CLASP1: variants seen among roughly 807,000 people sequenced by gnomAD.
CLASP1 encodes the protein cytoplasmic linker associated protein 1, also known as CLIP-associating protein 1.
Under a neutral mutation model 192.3 loss-of-function variants are expected in CLASP1, and 38 were observed. The ratio of observed to expected loss-of-function variants is 0.20; its 90% CI spans 0.15 to 0.26. The LOEUF is 0.26. Ranked by LOEUF, CLASP1 falls within the 10% of genes least tolerant of loss-of-function variation. The pLI is 1.00. For missense variants in CLASP1, 1,433 were observed against 1,932.5 expected, an observed-to-expected ratio of 0.74 and a Z score of 4.85; for synonymous variants, 691 against 712.8, an observed-to-expected ratio of 0.97 and a Z score of 0.49.
intron 26 of CLASP1, chr2:121,403,520 C>A: frequency 4.4e-6 from 2 of 456,628 alleles, no homozygotes; most frequent in Non-Finnish European, 4.4e-6. Context: ...CCCATCTTTA[C>A]TAGGAAAACT....
chr2:121,575,276 A>AT (rs534699184), intron 2 of CLASP1, among the ~76,000 whole-genome samples: 8 of 148,510 alleles, frequency 5.4e-5, no homozygotes, highest in East Asian at 2.0e-4. Flanking sequence ...TGCCCGGCTA[A>AT]TTTTTTTTTT....
chr2:121,518,930 T>A (rs2094393554), intron 6 of CLASP1, among the ~76,000 whole-genome samples: 2 of 152,204 alleles, frequency 1.3e-5, no homozygotes, highest in African/African-American at 4.8e-5. Context: ...TCAATGCTAC[T>A]ATACCTTGAA....
chr2:121,531,156 C>G lies in CLASP1; in HGVS notation c.196-831G>C, dbSNP rs117395952. On this transcript the variant is annotated intron_variant, in intron 2 of 39. Coordinates refer to ENST00000263710, the Ensembl canonical transcript of CLASP1. ...TCTTTCAGTTTTTGCGGTGATTAAACGGGAAGGATTTCAACAGAACTTCAC... is the reference window on the plus strand; with the variant it reads ...TCTTTCAGTTTTTGCGGTGATTAAAGGGGAAGGATTTCAACAGAACTTCAC... 1.3e-3 allele frequency: 823 copies of G among 611,756 alleles called. 8 individuals are homozygous for G. The East Asian group carries it at 0.021, about 15-fold the overall frequency. 37.9% of individuals were successfully genotyped at this position (611,756 alleles called of 1,614,324 possible).
chr2:121,612,973 A>G (rs2065861845), intron 1 of CLASP1, among the ~76,000 whole-genome samples: 2 of 152,222 alleles, frequency 1.3e-5, no homozygotes, highest in Non-Finnish European at 2.9e-5. Flanking sequence ...AAAAAGTTCA[A>G]TTTTCATAAT....
intron 9 of CLASP1, among the ~76,000 whole-genome samples, chr2:121,463,051 A>G (rs1377825427): frequency 6.6e-6 from 1 of 152,218 alleles, no homozygotes; most frequent in Non-Finnish European, 1.5e-5. Context: ...ATTTAACTTT[A>G]TATTAGTTTG....
chr2:121,366,959 T>A (rs988013888), intron 35 of CLASP1, among the ~76,000 whole-genome samples: 1 of 152,236 alleles, frequency 6.6e-6, no homozygotes, highest in African/African-American at 2.4e-5. Context: ...CTACTTCCTA[T>A]GTTATATGCT....
intron 2 of CLASP1, among the ~76,000 whole-genome samples, chr2:121,541,620 A>C (rs533401630): frequency 3.9e-4 from 60 of 152,186 alleles, no homozygotes; most frequent in African/African-American, 1.4e-3. Flanking sequence ...ATAACTTCAA[A>C]CGTCAGCCTC....
intron 1 of CLASP1, among the ~76,000 whole-genome samples, chr2:121,609,664 C>T (rs6541788): frequency 0.19 from 29,150 of 152,132 alleles, 5,033 homozygotes; most frequent in African/African-American, 0.46. Flanking sequence ...AAGTAATGGC[C>T]GGGCGCAGTG....
intron 2 of CLASP1, among the ~76,000 whole-genome samples, chr2:121,586,521 A>C (rs1251141170): frequency 6.6e-6 from 1 of 152,188 alleles, no homozygotes; most frequent in African/African-American, 2.4e-5. Flanking sequence ...TAATCCCTAT[A>C]ATTCTCTCCA....
intron 19 of CLASP1, among the ~76,000 whole-genome samples, chr2:121,445,761 T>C (rs184033470): frequency 7.9e-5 from 12 of 152,300 alleles, no homozygotes; most frequent in African/African-American, 2.6e-4. Context: ...GTCAGCTCCA[T>C]ATTATCATAC....
At chr2:121,428,193 G>T (rs933100846) in intron 20 of CLASP1, among the ~76,000 whole-genome samples, 1 of 152,082 alleles carries the variant, frequency 6.6e-6, no homozygotes, top group Admixed American at 6.5e-5. Context: ...AGAAAGAACT[G>T]TAATCTTCAC....
intron 1 of CLASP1, among the ~76,000 whole-genome samples, chr2:121,630,846 G>GCGAAA (rs1477279367): frequency 1.6e-5 from 2 of 121,968 alleles, no homozygotes. Flanking sequence ...GACAACAAGA[G>GCGAAA]CGAAACTACG....
At chr2:121,365,243 C>T in exon 36 of CLASP1, 2 of 1,613,674 alleles carry the variant, frequency 1.2e-6, no homozygotes, top group Non-Finnish European at 1.7e-6. Context: ...TTGGACAGCT[C>T]TTTCAGAAGG....
chr2:121,427,001 T>C (rs1017411241), intron 21 of CLASP1, among the ~76,000 whole-genome samples: 6 of 151,932 alleles, frequency 3.9e-5, no homozygotes, highest in Non-Finnish European at 7.4e-5. Flanking sequence ...TGTAAATTTA[T>C]ATGTGTGTTT....
intron 33 of CLASP1, among the ~76,000 whole-genome samples, chr2:121,378,279 A>C (rs2070753948): frequency 6.6e-6 from 1 of 152,202 alleles, no homozygotes; most frequent in Non-Finnish European, 1.5e-5. Flanking sequence ...ACTCTTCTAC[A>C]TGCTTCTGTT....
intron 1 of CLASP1, among the ~76,000 whole-genome samples, chr2:121,636,338 A>AAATAATAATAATAATAAT (rs58688393): frequency 8.7e-5 from 12 of 138,174 alleles, no homozygotes; most frequent in African/African-American, 3.3e-4. Flanking sequence ...TCCATTTCAA[A>AAATAATAATAATAATAAT]AATAATAATA....
At chr2:121,368,959 A>T (rs1003587635) in intron 34 of CLASP1, among the ~76,000 whole-genome samples, 17 of 152,012 alleles carry the variant, frequency 1.1e-4, no homozygotes, top group African/African-American at 4.1e-4. Context: ...CCCAACAAAA[A>T]CCCTGCATCC....
chr2:121,530,975 CTTTTGCT>C lies in CLASP1; in HGVS notation c.196-657_196-651del. The C allele has an allele frequency of 2.9e-6, 2 of 700,418 alleles. No individual in the cohort carries two copies. Among genetic ancestry groups the C allele is most frequent in the Non-Finnish European group, 5.2e-6 (2 of 384,824 alleles). 43.4% of individuals were successfully genotyped at this position (700,418 alleles called of 1,614,324 possible). ...AACAACACACCCGCATCAACTAGAG[CTTTTGCT>C]TTATTTTGGTGCAATTTTTGGAAAA... On this transcript the variant is annotated intron_variant, in intron 2 of 39. Transcript: ENST00000263710.
chr2:121,398,514 A>G, intron 28 of CLASP1, 114 bp from the exon 30 acceptor site: 1 of 683,256 alleles, frequency 1.5e-6, no homozygotes, highest in Non-Finnish European at 2.4e-6. Flanking sequence ...CCCTGTTCAC[A>G]TTTTTAATAA....
Sources: allele counts gnomAD v4.1 joint callset (sites outside exome capture counted in the v4.1 genomes callset), GRCh38; gene constraint gnomAD v4.1.1; transcripts MANE v1.5; gene names NCBI Gene and HGNC (gene_info 2026-07-23, HGNC 2026-07-21).